The following TMEM132D variants were observed in gnomAD, a reference collection of about 807,000 sequenced individuals.
The protein encoded by TMEM132D is transmembrane protein 132D, also known as mature OL transmembrane protein.
Under a neutral mutation model 62.3 loss-of-function variants are expected in TMEM132D, and 21 were observed. The observed-to-expected ratio is 0.34, with a 90% confidence interval of 0.24 to 0.49. The LOEUF (loss-of-function observed/expected upper bound fraction) is 0.49. Ranked by LOEUF, TMEM132D falls within the 20% of genes least tolerant of loss-of-function variation. The pLI is 0.99. For missense variants in TMEM132D, 1,346 were observed against 1,402.8 expected, an observed-to-expected ratio of 0.96 and a Z score of 0.65; for synonymous variants, 621 against 575.6, an observed-to-expected ratio of 1.08 and a Z score of -1.13.
chr12:129,616,499 C>T (rs1466141090), intron 2 of TMEM132D, among the ~76,000 whole-genome samples: 1 of 152,142 alleles, frequency 6.6e-6, no homozygotes, highest in Non-Finnish European at 1.5e-5. Context: ...TCTTGAATTA[C>T]AGTTCTCATA....
At chr12:129,872,779 G>A (rs1316830111) in intron 1 of TMEM132D, among the ~76,000 whole-genome samples, 2 of 152,166 alleles carry the variant, frequency 1.3e-5, no homozygotes, top group African/African-American at 2.4e-5. Context: ...CCGTCCATGC[G>A]TGAATGAGTA....
At chr12:129,550,887 C>A (rs1876876362) in intron 2 of TMEM132D, among the ~76,000 whole-genome samples, 1 of 152,148 alleles carries the variant, frequency 6.6e-6, no homozygotes, top group African/African-American at 2.4e-5. Flanking sequence ...AAAGCTTGTG[C>A]CTGAGATAGA....
At chr12:129,552,566 CATCT>C (rs34046445) in intron 2 of TMEM132D, among the ~76,000 whole-genome samples, 52,754 of 151,560 alleles carry the variant, frequency 0.35, 9,379 homozygotes, top group Admixed American at 0.45. Flanking sequence ...ATCGATCTAT[CATCT>C]ATCTGTTCAC....
chr12:129,319,669 A>G (rs1868616456), intron 4 of TMEM132D, among the ~76,000 whole-genome samples: 2 of 152,050 alleles, frequency 1.3e-5, no homozygotes, highest in African/African-American at 4.8e-5. Context: ...ATGTGTAGAT[A>G]AGAAGAAACA....
chr12:129,507,555 C>T (rs1344132212), intron 3 of TMEM132D, among the ~76,000 whole-genome samples: 2 of 152,138 alleles, frequency 1.3e-5, no homozygotes, highest in Non-Finnish European at 2.9e-5. Flanking sequence ...ATGGCATTCG[C>T]AGCAACCTGG....
At chr12:129,808,991 T>C (rs1872080893) in intron 1 of TMEM132D, among the ~76,000 whole-genome samples, 1 of 152,146 alleles carries the variant, frequency 6.6e-6, no homozygotes, top group Admixed American at 6.5e-5. Context: ...AAGGAAATAA[T>C]AGCAATAAGC....
intron 1 of TMEM132D, among the ~76,000 whole-genome samples, chr12:129,776,959 A>G (rs1397635935): frequency 6.6e-6 from 1 of 152,218 alleles, no homozygotes; most frequent in East Asian, 1.9e-4. Context: ...CCAACAACAG[A>G]GCAAGGCTCT....
chr12:129,471,969 T>C (rs117695155), intron 3 of TMEM132D, among the ~76,000 whole-genome samples: 1,874 of 151,760 alleles, frequency 0.012, 25 homozygotes, highest in South Asian at 0.035. Context: ...TTGGCAGAGG[T>C]TGATTAATAA....
Position 129,805,674 on chromosome 12 carries a change from A to T in TMEM132D, c.79+97587T>A, listed in dbSNP as rs1653092647. 7.9e-5 allele frequency among the ~76,000 whole-genome samples: 12 copies of T among 152,068 alleles called. No homozygotes were observed. In the South Asian group the frequency reaches 2.5e-3, roughly 32 times the overall value. ...AAAACACCAAAAGCAATGGCAACAAAAGACAGAATTGACAAATGGGATCTA... is the reference window on the plus strand; with the variant it reads ...AAAACACCAAAAGCAATGGCAACAATAGACAGAATTGACAAATGGGATCTA... On this transcript the variant is annotated intron_variant, in intron 1 of 8. Coordinates refer to ENST00000422113, the MANE Select transcript of TMEM132D (RefSeq NM_133448.3).
chr12:129,101,981 GC>G (rs1875323072), intron 5 of TMEM132D, among the ~76,000 whole-genome samples: 1 of 132,380 alleles, frequency 7.6e-6, no homozygotes, highest in Admixed American at 7.4e-5. Context: ...ATTCAAAGCT[GC>G]TGTTTTTTTT....
chr12:129,747,679 A>G (rs1869849483), intron 1 of TMEM132D, among the ~76,000 whole-genome samples: 1 of 149,856 alleles, frequency 6.7e-6, no homozygotes, highest in Admixed American at 6.7e-5. Context: ...TCAGACACAC[A>G]CAGACATGCA....
intron 1 of TMEM132D, among the ~76,000 whole-genome samples, chr12:129,787,769 C>G (rs964534126): frequency 6.6e-6 from 1 of 152,142 alleles, no homozygotes; most frequent in African/African-American, 2.4e-5. Context: ...GGCATGAGGA[C>G]CACACCAGAT....
chr12:129,240,414 C>T (rs1879905874), intron 4 of TMEM132D, among the ~76,000 whole-genome samples: 1 of 152,090 alleles, frequency 6.6e-6, no homozygotes, highest in Non-Finnish European at 1.5e-5. Context: ...TAAAGGCAGG[C>T]TGACGTAGCT....
intron 1 of TMEM132D, among the ~76,000 whole-genome samples, chr12:129,842,332 GAC>G (rs1162713669): frequency 1.3e-5 from 2 of 152,080 alleles, no homozygotes; most frequent in Non-Finnish European, 1.5e-5. Flanking sequence ...CCTGGGGACA[GAC>G]ACAGAGATTT....
intron 4 of TMEM132D, among the ~76,000 whole-genome samples, chr12:129,238,281 A>T (rs1178792003): frequency 6.6e-6 from 1 of 152,204 alleles, no homozygotes; most frequent in Non-Finnish European, 1.5e-5. Flanking sequence ...AGCTTAGTCA[A>T]TTTCCAACTA....
At chr12:129,484,496 T>C (rs780149245) in intron 3 of TMEM132D, among the ~76,000 whole-genome samples, 23 of 152,234 alleles carry the variant, frequency 1.5e-4, no homozygotes, top group Non-Finnish European at 3.2e-4. Flanking sequence ...GTCGCAAAGA[T>C]TCTAGCATAT....
chr12:129,537,170 A>AAAAAG (rs1399302457), intron 2 of TMEM132D, among the ~76,000 whole-genome samples: 1 of 151,780 alleles, frequency 6.6e-6, no homozygotes, highest in Non-Finnish European at 1.5e-5. Flanking sequence ...AAAAAAAAAA[A>AAAAAG]AAAATTCATA....
At chr12:129,523,802 T>C (rs1399014863) in intron 3 of TMEM132D, among the ~76,000 whole-genome samples, 1 of 152,154 alleles carries the variant, frequency 6.6e-6, no homozygotes, top group Non-Finnish European at 1.5e-5. Context: ...TCACAGAGAA[T>C]GGGGTTCATC....
intron 3 of TMEM132D, among the ~76,000 whole-genome samples, chr12:129,464,762 G>C (rs917000597): frequency 2.0e-5 from 3 of 152,126 alleles, no homozygotes; most frequent in African/African-American, 7.2e-5. Flanking sequence ...TCTCGGGTTT[G>C]TCAAAGATCA....
Sources: allele counts gnomAD v4.1 joint callset (sites outside exome capture counted in the v4.1 genomes callset), GRCh38; gene constraint gnomAD v4.1.1; transcripts MANE v1.5; gene names NCBI Gene and HGNC (gene_info 2026-07-23, HGNC 2026-07-21).